IQGAP2: variants seen among roughly 807,000 people sequenced by gnomAD.
IQGAP2 encodes IQ motif containing GTPase activating protein 2, also known as ras GTPase-activating-like protein IQGAP2.
In IQGAP2, 173 loss-of-function variants were observed where a neutral mutation model predicts 201.3. That is an observed-to-expected ratio of 0.86 (90% CI 0.76 to 0.98). The LOEUF is 0.98. IQGAP2 is among the 50% of genes least tolerant of loss of function. IQGAP2 has a pLI of 0.00. For synonymous variants in IQGAP2, 675 were observed against 673.9 expected (o/e 1.00, Z -0.03); for missense variants, 1,687 against 1,864.8 (o/e 0.90, Z 1.76).
At chr5:76,646,348 A>C (rs1182552141) in intron 17 of IQGAP2, among the ~76,000 whole-genome samples, 1 of 152,286 alleles carries the variant, frequency 6.6e-6, no homozygotes, top group Middle Eastern at 3.4e-3. Context: ...TTAATTTAAA[A>C]TTTTTTATTT....
Position 76,575,592 on chromosome 5 carries a change from T to C in IQGAP2, c.382-101T>C, listed in dbSNP as rs938064774. On this transcript the variant is annotated intron_variant, in intron 4 of 35. Transcript: ENST00000274364. ...GAGAGGTTCCTCTATATTTAAATAATTATAGGATAGCAAGGACAATCAAAA... is the reference window on the plus strand; with the variant it reads ...GAGAGGTTCCTCTATATTTAAATAACTATAGGATAGCAAGGACAATCAAAA... The C allele has an allele frequency of 2.1e-5, 12 of 584,068 alleles. No homozygotes were observed. In the African/African-American group the frequency reaches 2.3e-4, roughly 11 times the overall value. 36.2% of individuals were successfully genotyped at this position (584,068 alleles called of 1,614,324 possible). A position where few individuals can be genotyped will look rare whatever the true frequency, so the allele number is the denominator to read the frequency against.
At position 76,493,101 on chromosome 5, in the gene IQGAP2, C is replaced by T. The variant is rs578002285; in HGVS notation, c.146+31432C>T. ...TGCTGTCAACTTCAGTCCCTTTTAA[C>T]TGGTCTCCTGCTGCTTCCCTTGTCC... is the stretch of plus-strand genomic sequence containing the variant. On this transcript the variant is annotated intron_variant, in intron 2 of 35. Coordinates refer to ENST00000274364, the MANE Select transcript of IQGAP2 (RefSeq NM_006633.5). 1.1e-4 allele frequency among the ~76,000 whole-genome samples: 16 copies of T among 152,308 alleles called. No individual in the cohort carries two copies. The South Asian group carries it at 3.1e-3, about 30-fold the overall frequency.
chr5:76,517,983 G>A (rs896758635), intron 2 of IQGAP2, among the ~76,000 whole-genome samples: 1 of 152,100 alleles, frequency 6.6e-6, no homozygotes, highest in African/African-American at 2.4e-5. Context: ...TGAGACAAGA[G>A]TCTTGCTCTA....
chr5:76,459,647 C>A (rs1187582766), intron 1 of IQGAP2, among the ~76,000 whole-genome samples: 1 of 151,324 alleles, frequency 6.6e-6, no homozygotes, highest in Non-Finnish European at 1.5e-5. Context: ...AGAAATATAA[C>A]TTTTTTTTTG....
intron 1 of IQGAP2, among the ~76,000 whole-genome samples, chr5:76,412,959 C>T (rs557327017): frequency 5.7e-4 from 86 of 152,142 alleles, no homozygotes; most frequent in African/African-American, 2.0e-3. Flanking sequence ...AAGTGTGCTC[C>T]CATGGAGTCA....
intron 2 of IQGAP2, among the ~76,000 whole-genome samples, chr5:76,508,030 G>C (rs1185110904): frequency 7.2e-6 from 1 of 138,672 alleles, no homozygotes; most frequent in Non-Finnish European, 1.6e-5. Flanking sequence ...AAAAAAAATG[G>C]GCCAAAGATA....
chr5:76,551,313 T>C (rs4437351), intron 2 of IQGAP2, among the ~76,000 whole-genome samples: 86,365 of 149,074 alleles, frequency 0.58, 26,123 homozygotes, highest in East Asian at 0.77. Context: ...CGGGCAGAGA[T>C]GCTCCTCACT....
intron 2 of IQGAP2, among the ~76,000 whole-genome samples, chr5:76,534,931 T>C (rs1759530583): frequency 6.6e-6 from 1 of 152,256 alleles, no homozygotes; most frequent in South Asian, 2.1e-4. Flanking sequence ...TCCACCTTTA[T>C]TTTATCAAAA....
chr5:76,552,432 C>T (rs937472603), intron 2 of IQGAP2, among the ~76,000 whole-genome samples: 1 of 152,152 alleles, frequency 6.6e-6, no homozygotes, highest in African/African-American at 2.4e-5. Context: ...TTTGTTTAGC[C>T]TAACAATTTT....
chr5:76,617,601 G>A (rs1749109316), intron 13 of IQGAP2: 1 of 1,612,544 alleles, frequency 6.2e-7, no homozygotes, highest in Non-Finnish European at 8.5e-7. Context: ...AAGGTAAGCA[G>A]TGGAGTGATT....
At chr5:76,534,969 C>G (rs904132515) in intron 2 of IQGAP2, among the ~76,000 whole-genome samples, 1 of 152,148 alleles carries the variant, frequency 6.6e-6, no homozygotes, top group Non-Finnish European at 1.5e-5. Flanking sequence ...AAGTATTTGT[C>G]CCTTGGGCAG....
chr5:76,486,310 A>G (rs146088592), intron 2 of IQGAP2, among the ~76,000 whole-genome samples: 4 of 152,368 alleles, frequency 2.6e-5, no homozygotes, highest in Non-Finnish European at 4.4e-5. Context: ...TTTGCCCTGT[A>G]CATAAATAAA....
chr5:76,625,659 T>C lies in IQGAP2; in HGVS notation c.1522-1751T>C, dbSNP rs138267361. Among the ~76,000 whole-genome samples the C allele has an allele frequency of 8.8e-3, 1,347 of 152,342 alleles. 16 individuals carry two copies. Among genetic ancestry groups the C allele is most frequent in the African/African-American group, 0.03 (1,264 of 41,572 alleles). On this transcript the variant is annotated intron_variant, in intron 13 of 35. Coordinates refer to ENST00000274364, the MANE Select transcript of IQGAP2 (RefSeq NM_006633.5). ...ATGAAATAACAGATAGTTTATCTCA[T>C]TTTCAGAGCCCTTTCCACATGCATT...
At chr5:76,615,192 G>A (rs1748826527) in intron 13 of IQGAP2, among the ~76,000 whole-genome samples, 2 of 152,188 alleles carry the variant, frequency 1.3e-5, no homozygotes, top group South Asian at 4.1e-4. Flanking sequence ...AAAAAGTTCT[G>A]TTTTGCTCCT....
intron 1 of IQGAP2, among the ~76,000 whole-genome samples, chr5:76,432,816 T>A (rs1199420788): frequency 1.3e-5 from 2 of 152,218 alleles, no homozygotes; most frequent in African/African-American, 4.8e-5. Context: ...CCTGGCTGCA[T>A]ACTCTCTGTT....
chr5:76,621,766 G>A (rs1179505663), intron 13 of IQGAP2, among the ~76,000 whole-genome samples: 4 of 152,068 alleles, frequency 2.6e-5, no homozygotes, highest in African/African-American at 9.7e-5. Flanking sequence ...CTTATGAATT[G>A]TACTCATTGT....
chr5:76,487,644 C>T (rs1756248051), intron 2 of IQGAP2, among the ~76,000 whole-genome samples: 1 of 152,140 alleles, frequency 6.6e-6, no homozygotes, highest in Admixed American at 6.5e-5. Flanking sequence ...GATCTGCATG[C>T]AGTGGTGCTC....
chr5:76,576,318 A>G (rs1192652286), intron 5 of IQGAP2, among the ~76,000 whole-genome samples: 1 of 152,238 alleles, frequency 6.6e-6, no homozygotes, highest in Non-Finnish European at 1.5e-5. Flanking sequence ...AGACACATTC[A>G]TTATTTTAAA....
At chr5:76,486,983 A>G (rs1011617036) in intron 2 of IQGAP2, among the ~76,000 whole-genome samples, 6 of 152,080 alleles carry the variant, frequency 3.9e-5, no homozygotes. Flanking sequence ...ATAACTGAGC[A>G]TTTGATCCAT....
Sources: gnomAD v4.1 joint callset for allele counts (sites outside exome capture counted in the v4.1 genomes callset) on GRCh38, gnomAD v4.1.1 for gene constraint, MANE v1.5 for transcripts, NCBI Gene and HGNC (gene_info 2026-07-23, HGNC 2026-07-21) for gene names.